Variants in CD8B2 observed in about 807,000 individuals in gnomAD.
CD8B2 encodes CD8B family member 2.
CD8B2 carries 11 observed loss-of-function variants against 23.7 expected under a neutral mutation model. That is an observed-to-expected ratio of 0.46 (90% CI 0.29 to 0.77). CD8B2 has a LOEUF of 0.77. Ranked by LOEUF, CD8B2 falls within the 30% of genes least tolerant of loss-of-function variation. The pLI, the probability that CD8B2 is intolerant of heterozygous loss-of-function variation, is 0.09. For synonymous variants in CD8B2, 90 were observed against 109.3 expected, an observed-to-expected ratio of 0.82 and a Z score of 1.10; for missense variants, 197 against 270.5, an observed-to-expected ratio of 0.73 and a Z score of 1.91.
intron 5 of CD8B2, among the ~76,000 whole-genome samples, chr2:106,532,043 G>A (rs1679995528): frequency 1.3e-5 from 2 of 152,320 alleles, no homozygotes; most frequent in Middle Eastern, 3.4e-3. Context: ...ACACCCAACC[G>A]CCCTCTTGAT....
At chr2:106,504,105 T>A (rs1408728163) in intron 4 of CD8B2, among the ~76,000 whole-genome samples, 184 bp from the exon 5 acceptor site, 2 of 152,278 alleles carry the variant, frequency 1.3e-5, no homozygotes, top group Non-Finnish European at 2.9e-5. Flanking sequence ...AAAAGTAGTA[T>A]CCAACTCAGG....
At chr2:106,526,711 T>G (rs1038425759) in intron 5 of CD8B2, among the ~76,000 whole-genome samples, 4 of 152,280 alleles carry the variant, frequency 2.6e-5, no homozygotes, top group Middle Eastern at 3.4e-3. Context: ...AGTGCAATGG[T>G]GTGATCTCGG....
intron 5 of CD8B2, among the ~76,000 whole-genome samples, chr2:106,517,782 G>A (rs1443531655): frequency 1.3e-5 from 2 of 151,664 alleles, no homozygotes; most frequent in Non-Finnish European, 1.5e-5. Context: ...GCGCGATCTC[G>A]GCTCACTGCA....
chr2:106,517,693 A>G (rs1332638422), intron 5 of CD8B2, among the ~76,000 whole-genome samples: 1 of 149,628 alleles, frequency 6.7e-6, no homozygotes, highest in African/African-American at 2.5e-5. Context: ...CTTTGTTTAT[A>G]GCTTCTGTTT....
chr2:106,532,949 G>C (rs939038066), intron 5 of CD8B2, among the ~76,000 whole-genome samples: 3 of 152,224 alleles, frequency 2.0e-5, no homozygotes, highest in African/African-American at 7.2e-5. Context: ...CCCTATTCAA[G>C]ATGGAGTTGT....
chr2:106,534,000 C>A (rs1452061130), intron 5 of CD8B2, among the ~76,000 whole-genome samples: 1 of 152,308 alleles, frequency 6.6e-6, no homozygotes, highest in East Asian at 1.9e-4. Flanking sequence ...ATGTGGCAAG[C>A]CTCCTGCTGG....
intron 2 of CD8B2, among the ~76,000 whole-genome samples, chr2:106,495,918 C>T (rs1178063275): frequency 3.3e-5 from 5 of 152,126 alleles, no homozygotes; most frequent in Admixed American, 3.3e-4. Context: ...CTCACCTCAG[C>T]CTCCTGGGTA....
intron 5 of CD8B2, among the ~76,000 whole-genome samples, chr2:106,506,708 A>AC (rs1284683274): frequency 1.3e-5 from 2 of 151,000 alleles, no homozygotes; most frequent in South Asian, 2.1e-4. Context: ...ATTCAAAGCT[A>AC]CCGTTCTTTG....
At chr2:106,536,831 T>A (rs1330400364) in intron 5 of CD8B2, among the ~76,000 whole-genome samples, 2 of 152,170 alleles carry the variant, frequency 1.3e-5, no homozygotes, top group Non-Finnish European at 2.9e-5. Context: ...TTACATGGAA[T>A]ATATGATGGC....
intron 5 of CD8B2, among the ~76,000 whole-genome samples, chr2:106,524,758 T>C (rs1277143352): frequency 6.6e-6 from 1 of 152,120 alleles, no homozygotes; most frequent in African/African-American, 2.4e-5. Context: ...TGCTGCGCAT[T>C]GTTATTTTTA....
chr2:106,488,233 T>C (rs916078914), intron 1 of CD8B2, among the ~76,000 whole-genome samples: 4 of 150,672 alleles, frequency 2.7e-5, no homozygotes, highest in African/African-American at 7.3e-5. Context: ...GCCCAGTGAG[T>C]GCCACATCAT....
chr2:106,504,152 G>T lies in CD8B2; in HGVS notation c.584-137G>T. 3 of 1,031,872 alleles carry T rather than the reference G, an allele frequency of 2.9e-6. No homozygotes were observed. The South Asian group carries it at 5.0e-5, about 17-fold the overall frequency. The allele number at this position is 1,031,872 out of a possible 1,614,324, so 63.9% of individuals were successfully genotyped here. A position where few individuals can be genotyped will look rare whatever the true frequency, so the allele number is the denominator to read the frequency against. On this transcript the variant is annotated intron_variant, in intron 4 of 5. Coordinates refer to ENST00000643224, the MANE Select transcript of CD8B2 (RefSeq NM_001349727.2). ...CATTAAGGGGATTAAAATGTGTAAA[G>T]TGTTTGGGCCAGGGTCTGGGACCAG...
At chr2:106,531,452 AT>A (rs905195788) in intron 5 of CD8B2, among the ~76,000 whole-genome samples, 2 of 152,122 alleles carry the variant, frequency 1.3e-5, no homozygotes, top group Admixed American at 6.6e-5. Context: ...TCTGTCCTCT[AT>A]CACACGAGTT....
intron 1 of CD8B2, among the ~76,000 whole-genome samples, chr2:106,490,637 T>C (rs1485321638): frequency 1.3e-5 from 2 of 152,278 alleles, no homozygotes; most frequent in African/African-American, 4.8e-5. Context: ...CTCTCTCCCC[T>C]GTACCTTTGT....
At chr2:106,524,932 C>T (rs989016310) in intron 5 of CD8B2, among the ~76,000 whole-genome samples, 2 of 152,244 alleles carry the variant, frequency 1.3e-5, no homozygotes, top group South Asian at 2.1e-4. Flanking sequence ...AGCACCCACT[C>T]CAGTATTTCT....
intron 5 of CD8B2, among the ~76,000 whole-genome samples, chr2:106,523,182 G>A (rs1679855360): frequency 6.6e-6 from 1 of 152,076 alleles, no homozygotes; most frequent in Admixed American, 6.5e-5. Flanking sequence ...TGTTCTCTGA[G>A]AAAGAGAGTA....
intron 5 of CD8B2, among the ~76,000 whole-genome samples, chr2:106,540,574 T>A (rs1680156853): frequency 6.6e-6 from 1 of 152,066 alleles, no homozygotes; most frequent in Non-Finnish European, 1.5e-5. Flanking sequence ...ATACTCCTTT[T>A]TTTTTTTTGA....
At chr2:106,505,879 C>T (rs2104559445) in intron 5 of CD8B2, among the ~76,000 whole-genome samples, 1 of 152,138 alleles carries the variant, frequency 6.6e-6, no homozygotes. Flanking sequence ...GCCTGTAATC[C>T]CAGCACTTTG....
At chr2:106,524,590 C>G (rs1404982262) in intron 5 of CD8B2, among the ~76,000 whole-genome samples, 1 of 152,202 alleles carries the variant, frequency 6.6e-6, no homozygotes, top group Non-Finnish European at 1.5e-5. Context: ...TCCAGTGCTG[C>G]TGCTCCGAGG....
Sources: allele counts gnomAD v4.1 joint callset (sites outside exome capture counted in the v4.1 genomes callset), GRCh38; gene constraint gnomAD v4.1.1; transcripts MANE v1.5; gene names NCBI Gene and HGNC (gene_info 2026-07-23, HGNC 2026-07-21).